SYT14: variants seen among roughly 807,000 people sequenced by gnomAD.
SYT14 encodes the protein synaptotagmin 14.
SYT14 carries 32 observed loss-of-function variants against 74.2 expected under a neutral mutation model. The ratio of observed to expected loss-of-function variants is 0.43; its 90% confidence interval spans 0.33 to 0.58. SYT14 has a LOEUF of 0.58. Ranked by LOEUF, SYT14 falls within the 20% of genes least tolerant of loss-of-function variation. The probability of loss-of-function intolerance (pLI) is 0.05; values close to 1 mark genes in which losing one functional copy is unlikely to be tolerated. For missense variants in SYT14, 791 were observed against 981.8 expected (o/e 0.81, Z 2.60); for synonymous variants, 298 against 337.7 (o/e 0.88, Z 1.29).
rs922024527 is a variant in SYT14 at position 210,087,114 on chromosome 1, C to T, written c.1313-7208C>T. Among the ~76,000 whole-genome samples the T allele has an allele frequency of 2.6e-5, 4 of 152,212 alleles. No homozygotes were observed. The East Asian group carries it at 5.8e-4, about 22-fold the overall frequency. On this transcript the variant is annotated intron_variant, in intron 5 of 9. Coordinates refer to ENST00000637265, the Ensembl canonical transcript of SYT14. The stretch of plus-strand genomic sequence containing the variant: ...CTTGCCCCACATTGGGTGCCCTCAT[C>T]GTCCTATCTAGGCCCTGACTTCCTG...
intron 2 of SYT14, among the ~76,000 whole-genome samples, chr1:210,001,121 C>T (rs1303753090): frequency 2.0e-5 from 3 of 152,078 alleles, no homozygotes; most frequent in Admixed American, 6.6e-5. Flanking sequence ...AAACAAGCAG[C>T]TTTGCTGTGT....
chr1:209,978,553 C>T (rs1385633017), intron 2 of SYT14, among the ~76,000 whole-genome samples: 4 of 152,260 alleles, frequency 2.6e-5, no homozygotes, highest in East Asian at 1.9e-4. Flanking sequence ...GCTGCCTGAT[C>T]GTTCCTCTGG....
At chr1:210,004,488 T>G (rs937938926) in intron 2 of SYT14, among the ~76,000 whole-genome samples, 1 of 152,036 alleles carries the variant, frequency 6.6e-6, no homozygotes, top group African/African-American at 2.4e-5. Flanking sequence ...CTTAATTTCA[T>G]CATACATCTC....
At chr1:210,125,321 G>A (rs769241020) in intron 7 of SYT14, among the ~76,000 whole-genome samples, 7 of 148,304 alleles carry the variant, frequency 4.7e-5, no homozygotes, top group Non-Finnish European at 8.9e-5. Context: ...TTGATTTTCT[G>A]TTTCTGCGCT....
At chr1:210,105,286 AGGTCT>A (rs2082139152) in intron 7 of SYT14, among the ~76,000 whole-genome samples, 1 of 152,196 alleles carries the variant, frequency 6.6e-6, no homozygotes. Flanking sequence ...TGCTTTGGTA[AGGTCT>A]GTTGCTCCTC....
At chr1:210,123,568 T>C (rs2082509770) in intron 7 of SYT14, among the ~76,000 whole-genome samples, 1 of 152,218 alleles carries the variant, frequency 6.6e-6, no homozygotes, top group African/African-American at 2.4e-5. Flanking sequence ...GTAAATAGCA[T>C]AAGTTTCTTC....
intron 7 of SYT14, among the ~76,000 whole-genome samples, chr1:210,125,467 C>G (rs1373930663): frequency 6.6e-6 from 1 of 152,134 alleles, no homozygotes; most frequent in Non-Finnish European, 1.5e-5. Flanking sequence ...GAGGTAATTG[C>G]AATGGCCGTG....
chr1:209,951,677 A>G (rs543083369), intron 1 of SYT14, among the ~76,000 whole-genome samples: 1 of 152,322 alleles, frequency 6.6e-6, no homozygotes, highest in South Asian at 2.1e-4. Flanking sequence ...TCATAGCAAA[A>G]TTAGTCACAG....
exon 4 of SYT14, chr1:210,016,954 T>C: frequency 8.1e-7 from 1 of 1,231,752 alleles, no homozygotes; most frequent in South Asian, 4.1e-5. Context: ...ATAAGTTATC[T>C]GGGAAAATTG....
intron 2 of SYT14, 46 bp from the exon 3 acceptor site, chr1:210,013,587 T>G (rs2080126565): frequency 6.3e-7 from 1 of 1,580,322 alleles, no homozygotes; most frequent in Non-Finnish European, 8.6e-7. Flanking sequence ...TATTTGTAGC[T>G]TAAAGAAAAA....
chr1:210,065,928 C>T (rs1410669826), intron 5 of SYT14, among the ~76,000 whole-genome samples: 20 of 151,196 alleles, frequency 1.3e-4, no homozygotes, highest in Non-Finnish European at 2.7e-4. Context: ...TTCCTGTGTC[C>T]ATGTGTTCTC....
At chr1:210,052,706 C>T (rs1655413723) in intron 5 of SYT14, among the ~76,000 whole-genome samples, 3 of 130,834 alleles carry the variant, frequency 2.3e-5, no homozygotes, top group South Asian at 2.5e-4. Flanking sequence ...ACAGAAACAA[C>T]GGCATTCTAA....
At chr1:210,028,495 A>G (rs923896552) in intron 5 of SYT14, among the ~76,000 whole-genome samples, 1 of 152,080 alleles carries the variant, frequency 6.6e-6, no homozygotes, top group Non-Finnish European at 1.5e-5. Context: ...AACTACTCTA[A>G]GTACCTCATA....
At chr1:210,157,497 A>C (rs113804733) in intron 8 of SYT14, among the ~76,000 whole-genome samples, 3,180 of 151,768 alleles carry the variant, frequency 0.021, 111 homozygotes, top group African/African-American at 0.072. Context: ...TAATCCCAGC[A>C]CTTTAGGAGG....
chr1:210,167,601 A>T (rs2083469481), exon 10 of SYT14: 1 of 152,226 alleles, frequency 6.6e-6, no homozygotes, highest in Non-Finnish European at 1.5e-5. Context: ...ATCCCACTTA[A>T]AAATGAGCTT....
intron 2 of SYT14, among the ~76,000 whole-genome samples, chr1:209,969,960 C>A (rs1236737410): frequency 1.3e-5 from 2 of 152,060 alleles, no homozygotes; most frequent in Admixed American, 6.6e-5. Context: ...GATGTTAGAT[C>A]TTTGTCAGAT....
At chr1:210,009,083 G>T (rs2080040249) in intron 2 of SYT14, among the ~76,000 whole-genome samples, 1 of 152,186 alleles carries the variant, frequency 6.6e-6, no homozygotes, top group South Asian at 2.1e-4. Context: ...GTGTTGGGCT[G>T]CATTCAAAGC....
intron 5 of SYT14, among the ~76,000 whole-genome samples, chr1:210,061,402 CTG>C (rs2081205478): frequency 6.6e-6 from 1 of 151,944 alleles, no homozygotes; most frequent in Admixed American, 6.6e-5. Flanking sequence ...GGCTAATCAA[CTG>C]TGTGTTACAT....
At chr1:210,127,644 A>G (rs904069366) in intron 7 of SYT14, among the ~76,000 whole-genome samples, 4 of 152,190 alleles carry the variant, frequency 2.6e-5, no homozygotes, top group East Asian at 1.9e-4. Flanking sequence ...ATATGAAACT[A>G]TCCTTTTGGA....
Sources: allele counts gnomAD v4.1 joint callset (sites outside exome capture counted in the v4.1 genomes callset), GRCh38; gene constraint gnomAD v4.1.1; transcripts MANE v1.5; gene names NCBI Gene and HGNC (gene_info 2026-07-23, HGNC 2026-07-21).